Variants in HDAC9 observed in about 807,000 individuals in gnomAD.
The protein encoded by HDAC9 is histone deacetylase 9.
A neutral mutation model predicts 139.4 loss-of-function variants in HDAC9; 41 were observed. The ratio of observed to expected loss-of-function variants is 0.29; its 90% CI spans 0.23 to 0.38. The LOEUF (loss-of-function observed/expected upper bound fraction) is 0.38. Ranked by LOEUF, HDAC9 falls within the 10% of genes least tolerant of loss-of-function variation. The pLI is 1.00. For missense variants in HDAC9, 1,147 were observed against 1,297.0 expected (o/e 0.88, Z 1.78); for synonymous variants, 517 against 476.2 (o/e 1.09, Z -1.12).
chr7:18,232,018 A>G (rs888418381), intron 2 of HDAC9, among the ~76,000 whole-genome samples: 1 of 152,252 alleles, frequency 6.6e-6, no homozygotes, highest in African/African-American at 2.4e-5. Flanking sequence ...CATCGAAGGT[A>G]AAATAATGAG....
At chr7:18,662,698 G>A (rs1266511339) in intron 11 of HDAC9, among the ~76,000 whole-genome samples, 1 of 152,090 alleles carries the variant, frequency 6.6e-6, no homozygotes, top group African/African-American at 2.4e-5. Context: ...GAAATGAGAA[G>A]CAAAGGTATC....
chr7:18,609,962 C>T (rs1562565191), intron 6 of HDAC9, among the ~76,000 whole-genome samples: 2 of 152,140 alleles, frequency 1.3e-5, no homozygotes, highest in Non-Finnish European at 2.9e-5. Flanking sequence ...ATGAACTCAT[C>T]ATTTTTTATG....
chr7:18,213,599 T>C (rs1429305112), intron 2 of HDAC9, among the ~76,000 whole-genome samples: 3 of 152,160 alleles, frequency 2.0e-5, no homozygotes, highest in African/African-American at 2.4e-5. Flanking sequence ...GTCACTGATA[T>C]TGGCTGAATT....
intron 12 of HDAC9, among the ~76,000 whole-genome samples, chr7:18,694,558 C>T (rs766157065): frequency 1.6e-4 from 24 of 152,166 alleles, no homozygotes; most frequent in Admixed American, 2.6e-4. Flanking sequence ...CCCCAATTAT[C>T]TCAAAGAATG....
At chr7:18,949,043 A>G in intron 23 of HDAC9, 1 of 392,918 alleles carries the variant, frequency 2.5e-6, no homozygotes, top group Non-Finnish European at 4.9e-6. Context: ...TTTTGCTTTA[A>G]TGTTTTCTAC....
At chr7:18,378,608 T>C (rs533764371) in intron 1 of HDAC9, among the ~76,000 whole-genome samples, 1 of 152,172 alleles carries the variant, frequency 6.6e-6, no homozygotes, top group South Asian at 2.1e-4. Context: ...TGAAATTATA[T>C]ATACATATAC....
rs1318033073 is a variant in HDAC9, at chr7:18,136,929, T to C, written c.-96-25300T>C. On this transcript the variant is annotated intron_variant, in intron 1 of 12. Transcript: ENST00000417496. ...ATTTTCACGATATTGATTCTTCCTA[T>C]CCATGAGCATGGAATGTTCTTCCAT... is the stretch of plus-strand genomic sequence containing the variant. Among the ~76,000 whole-genome samples the C allele has an allele frequency of 1.2e-4, 18 of 151,232 alleles. No homozygotes were observed. The East Asian group carries it at 1.4e-3, about 11-fold the overall frequency.
intron 6 of HDAC9, among the ~76,000 whole-genome samples, chr7:18,611,151 G>A (rs952138141): frequency 6.6e-5 from 10 of 152,096 alleles, no homozygotes; most frequent in African/African-American, 2.4e-4. Context: ...GAATGTAATA[G>A]CAAGAAGAGC....
At chr7:18,237,777 A>G (rs1793923423) in intron 2 of HDAC9, among the ~76,000 whole-genome samples, 1 of 152,222 alleles carries the variant, frequency 6.6e-6, no homozygotes. Context: ...GATGATTTCA[A>G]ACAGTTAAGG....
chr7:18,876,324 C>T (rs1416497476), intron 22 of HDAC9, among the ~76,000 whole-genome samples: 1 of 152,118 alleles, frequency 6.6e-6, no homozygotes, highest in Non-Finnish European at 1.5e-5. Context: ...CAACTCCCCT[C>T]CCCTCGTTCC....
chr7:18,194,802 G>A (rs960365835), intron 2 of HDAC9, among the ~76,000 whole-genome samples: 2 of 152,044 alleles, frequency 1.3e-5, no homozygotes, highest in Non-Finnish European at 2.9e-5. Flanking sequence ...TTAATCTACT[G>A]GTGTTTGATG....
At chr7:18,733,462 A>AAT (rs1786587481) in intron 13 of HDAC9, among the ~76,000 whole-genome samples, 1 of 151,290 alleles carries the variant, frequency 6.6e-6, no homozygotes, top group Admixed American at 6.6e-5. Flanking sequence ...GCTGTCCTCA[A>AAT]ATATATATGC....
At chr7:18,942,154 A>G (rs1172527854) in intron 23 of HDAC9, among the ~76,000 whole-genome samples, 1 of 152,046 alleles carries the variant, frequency 6.6e-6, no homozygotes, top group Non-Finnish European at 1.5e-5. Context: ...GTTTCAATAT[A>G]AGTAAAAGTA....
At chr7:18,603,999 G>T (rs1221208482) in intron 6 of HDAC9, among the ~76,000 whole-genome samples, 1 of 151,836 alleles carries the variant, frequency 6.6e-6, no homozygotes, top group African/African-American at 2.4e-5. Flanking sequence ...TATCCTTGTT[G>T]CTCTATAGAT....
intron 2 of HDAC9, among the ~76,000 whole-genome samples, chr7:18,516,900 G>C (rs1329734715): frequency 1.4e-5 from 2 of 146,012 alleles, no homozygotes; most frequent in Non-Finnish European, 3.0e-5. Context: ...GTAATACATT[G>C]AGCATCTGAT....
intron 1 of HDAC9, among the ~76,000 whole-genome samples, chr7:18,161,245 G>C (rs1787608838): frequency 6.6e-6 from 1 of 152,050 alleles, no homozygotes; most frequent in Admixed American, 6.5e-5. Flanking sequence ...AGTATTATAG[G>C]TATTCTTGGT....
chr7:18,942,943 TAAA>T (rs765297032), intron 23 of HDAC9, among the ~76,000 whole-genome samples: 4 of 150,974 alleles, frequency 2.6e-5, no homozygotes, highest in Non-Finnish European at 5.9e-5. Context: ...TTTAATAAAA[TAAA>T]AAAAATTAAA....
At chr7:18,892,016 A>G (rs1800727041) in intron 22 of HDAC9, 2 of 152,174 alleles carry the variant, frequency 1.3e-5, no homozygotes. Context: ...CACAATTACC[A>G]CTTATTTCCA....
At chr7:18,972,066 G>A (rs1391518472) in intron 24 of HDAC9, among the ~76,000 whole-genome samples, 2 of 152,176 alleles carry the variant, frequency 1.3e-5, no homozygotes, top group Non-Finnish European at 2.9e-5. Flanking sequence ...TTCTAAATGT[G>A]CATATTATGT....
Sources: allele counts gnomAD v4.1 joint callset (sites outside exome capture counted in the v4.1 genomes callset), GRCh38; gene constraint gnomAD v4.1.1; transcripts MANE v1.5; gene names NCBI Gene and HGNC (gene_info 2026-07-23, HGNC 2026-07-21).